The following PLB1 variants were observed in gnomAD, a reference collection of about 807,000 sequenced individuals.
PLB1 encodes phospholipase B1.
Under a neutral mutation model 227.4 loss-of-function variants are expected in PLB1, and 242 were observed. That is an observed-to-expected ratio of 1.06 (90% CI 0.96 to 1.18). The LOEUF (loss-of-function observed/expected upper bound fraction) is 1.18, where lower values mean the gene tolerates loss of function less well. Ranked by LOEUF, PLB1 falls within the 50% of genes most tolerant of loss-of-function variation. The probability of loss-of-function intolerance (pLI) is 0.00; values close to 1 mark genes in which losing one functional copy is unlikely to be tolerated. For missense variants in PLB1, 1,858 were observed against 1,816.3 expected, an observed-to-expected ratio of 1.02 and a Z score of -0.42; for synonymous variants, 757 against 682.2, an observed-to-expected ratio of 1.11 and a Z score of -1.71.
intron 4 of PLB1, among the ~76,000 whole-genome samples, chr2:28,522,587 G>A (rs927805238): frequency 6.6e-6 from 1 of 152,164 alleles, no homozygotes; most frequent in African/African-American, 2.4e-5. Context: ...TTCTGCCTGG[G>A]GCAGGGAAAT....
At chr2:28,617,477 G>T (rs11891377) in intron 44 of PLB1, among the ~76,000 whole-genome samples, 87,590 of 152,058 alleles carry the variant, frequency 0.58, 26,050 homozygotes, top group East Asian at 0.88. Context: ...TAAGAAAGGT[G>T]GTGTGTGGGT....
chr2:28,535,103 G>A (rs1354624594), intron 9 of PLB1, among the ~76,000 whole-genome samples: 1 of 152,170 alleles, frequency 6.6e-6, no homozygotes, highest in Non-Finnish European at 1.5e-5. Context: ...GCAAGATCTA[G>A]TCATGTTGAT....
At chr2:28,538,562 C>A (rs1429520794) in intron 10 of PLB1, among the ~76,000 whole-genome samples, 181 bp downstream of exon 10, 1 of 152,174 alleles carries the variant, frequency 6.6e-6, no homozygotes, top group Non-Finnish European at 1.5e-5. Flanking sequence ...GGAGAGCACA[C>A]TCCACTCCTG....
chr2:28,640,793 A>C (rs1689882266), intron 56 of PLB1, 134 bp from the exon 57 acceptor site: 2 of 907,932 alleles, frequency 2.2e-6, no homozygotes, highest in South Asian at 1.6e-5. Context: ...CTGTGGGCCA[A>C]AAACCAGCCA....
intron 15 of PLB1, among the ~76,000 whole-genome samples, chr2:28,549,144 G>A (rs959929672): frequency 1.5e-4 from 23 of 152,178 alleles, no homozygotes; most frequent in Non-Finnish European, 3.1e-4. Context: ...CCCCCTCCAT[G>A]CCTGTGGAAG....
chr2:28,562,540 C>CAAGAAAAAAAAAA (rs1676216683), intron 17 of PLB1, among the ~76,000 whole-genome samples: 1 of 42,606 alleles, frequency 2.3e-5, no homozygotes, highest in Non-Finnish European at 3.9e-5. Flanking sequence ...GACTCTGTCT[C>CAAGAAAAAAAAAA]AAAAAAAAAA....
At chr2:28,507,106 C>T (rs926323331) in intron 1 of PLB1, among the ~76,000 whole-genome samples, 13 of 152,128 alleles carry the variant, frequency 8.5e-5, no homozygotes, top group Non-Finnish European at 5.9e-5. Flanking sequence ...GAAGCTAGAG[C>T]TGCTGCTGAT....
intron 4 of PLB1, among the ~76,000 whole-genome samples, chr2:28,520,746 G>A (rs1168737350): frequency 1.3e-5 from 2 of 152,152 alleles, no homozygotes; most frequent in Non-Finnish European, 2.9e-5. Flanking sequence ...GCTGAGGTGG[G>A]CAGATCACTT....
At chr2:28,631,168 A>G (rs1195236093) in intron 54 of PLB1, among the ~76,000 whole-genome samples, 1 of 150,096 alleles carries the variant, frequency 6.7e-6, no homozygotes, top group African/African-American at 2.5e-5. Context: ...AAAAAAAAAG[A>G]AAAAAAGAAA....
chr2:28,550,210 T>C (rs1185315454), intron 16 of PLB1, 126 bp downstream of exon 16: 4 of 648,250 alleles, frequency 6.2e-6, no homozygotes, highest in East Asian at 3.3e-5. Flanking sequence ...TCTCACTCTG[T>C]TGCCCAGGCT....
chr2:28,602,789 A>C, intron 38 of PLB1, 32 bp from the exon 39 acceptor site: 2 of 1,582,952 alleles, frequency 1.3e-6, no homozygotes, highest in Non-Finnish European at 1.7e-6. Flanking sequence ...AAGTGCCTGG[A>C]GCCCCCCTCT....
chr2:28,600,934 T>C (rs1683772300), intron 36 of PLB1, 74 bp downstream of exon 36: 1 of 1,373,530 alleles, frequency 7.3e-7, no homozygotes. Context: ...CGGAGTGGCC[T>C]GCTCTGAAAA....
chr2:28,629,993 G>A (rs1688369733), intron 53 of PLB1, among the ~76,000 whole-genome samples: 1 of 152,148 alleles, frequency 6.6e-6, no homozygotes, highest in South Asian at 2.1e-4. Flanking sequence ...TTTTTGCAGG[G>A]AACCCTGCTC....
intron 1 of PLB1, among the ~76,000 whole-genome samples, chr2:28,506,193 A>G (rs1415230770): frequency 2.0e-5 from 3 of 152,232 alleles, no homozygotes; most frequent in Non-Finnish European, 4.4e-5. Flanking sequence ...GGGAGAGAGA[A>G]AGGAGCCGCA....
chr2:28,595,589 C>T (rs1345822154), intron 33 of PLB1: 2 of 152,156 alleles, frequency 1.3e-5, no homozygotes, highest in African/African-American at 4.8e-5. Flanking sequence ...ATCTGTTTAA[C>T]CCAATGTTTC....
At chr2:28,522,521 A>G (rs1022369820) in intron 4 of PLB1, among the ~76,000 whole-genome samples, 3 of 152,070 alleles carry the variant, frequency 2.0e-5, no homozygotes, top group Non-Finnish European at 4.4e-5. Context: ...GCACACCGAT[A>G]TTTACATCCC....
At chr2:28,543,020 C>T (rs1215311640) in intron 13 of PLB1, among the ~76,000 whole-genome samples, 192 bp from the exon 14 acceptor site, 2 of 152,138 alleles carry the variant, frequency 1.3e-5, no homozygotes, top group Non-Finnish European at 1.5e-5. Flanking sequence ...CTCCTGCAGG[C>T]CCTGACCTCA....
rs1245511339 is a variant in PLB1 at position 28,602,963 on chromosome 2, C to A, written c.2774+42C>A. 8 of 1,544,702 alleles carry A rather than the reference C, an allele frequency of 5.2e-6. 1 individual carries two copies. The South Asian group carries it at 7.8e-5, about 15-fold the overall frequency. ...TGTCCCCACACTGGAGATGCCCTCA[C>A]CTCCTGGTCTGGCCCACATGCAGTG... On this transcript the variant is annotated intron_variant, in intron 39 of 57. Coordinates refer to ENST00000327757, the MANE Select transcript of PLB1 (RefSeq NM_153021.5).
intron 43 of PLB1, among the ~76,000 whole-genome samples, chr2:28,611,489 T>TTCCTCAGC (rs1299411621): frequency 1.3e-5 from 2 of 152,106 alleles, no homozygotes; most frequent in African/African-American, 4.8e-5. Context: ...CTTGCCTCAG[T>TTCCTCAGC]TCCTCAGCAG....
Sources: gnomAD v4.1 joint callset for allele counts (sites outside exome capture counted in the v4.1 genomes callset) on GRCh38, gnomAD v4.1.1 for gene constraint, MANE v1.5 for transcripts, NCBI Gene and HGNC (gene_info 2026-07-23, HGNC 2026-07-21) for gene names.